EPM2A: variants seen among roughly 807,000 people sequenced by gnomAD.
EPM2A encodes laforin.
Under a neutral mutation model 26.5 loss-of-function variants are expected in EPM2A, and 21 were observed. The ratio of observed to expected loss-of-function variants is 0.79; its 90% CI spans 0.56 to 1.14. EPM2A has a LOEUF of 1.14. Among genes scored for constraint, EPM2A ranks in the 50% most tolerant of loss-of-function variants. The pLI is 0.00. For missense variants in EPM2A, 458 were observed against 440.8 expected, an observed-to-expected ratio of 1.04 and a Z score of -0.35; for synonymous variants, 217 against 177.6, an observed-to-expected ratio of 1.22 and a Z score of -1.76.
chr6:145,568,231 T>C (rs1166736013), intron 2 of EPM2A, among the ~76,000 whole-genome samples: 2 of 152,168 alleles, frequency 1.3e-5, no homozygotes, highest in Non-Finnish European at 2.9e-5. Flanking sequence ...AAACTCTCTG[T>C]TTCAAGTGAG....
chr6:145,484,743 C>T (rs1455799733), intron 4 of EPM2A, among the ~76,000 whole-genome samples: 1 of 151,732 alleles, frequency 6.6e-6, no homozygotes, highest in African/African-American at 2.4e-5. Context: ...TTTGAATCAT[C>T]GTATCTCAGG....
intron 4 of EPM2A, among the ~76,000 whole-genome samples, chr6:145,493,542 G>A (rs577278760): frequency 3.3e-5 from 5 of 152,338 alleles, no homozygotes; most frequent in African/African-American, 9.6e-5. Context: ...GGAGTGGTGA[G>A]AGAGGGCATC....
chr6:145,566,842 A>T (rs1780890197), intron 2 of EPM2A, among the ~76,000 whole-genome samples: 1 of 152,204 alleles, frequency 6.6e-6, no homozygotes, highest in Non-Finnish European at 1.5e-5. Context: ...GTAGAATAGG[A>T]CTTAAAGAAA....
rs202227651 is a variant in EPM2A, at chr6:145,626,778, AAAC to A, written c.*635_*637del. 2.7e-3 allele frequency: 2,635 copies of A among 985,934 alleles called. 56 individuals carry two copies. In the African/African-American group the frequency reaches 0.043, roughly 16 times the overall value. The allele number at this position is 985,934 out of a possible 1,614,324, so 61.1% of individuals were successfully genotyped here. A position where few individuals can be genotyped will look rare whatever the true frequency, so the allele number is the denominator to read the frequency against. ...TGCTTTGTTTGGTAATTTTGAGGAA[AAAC>A]AACAACAAATGAGAGATAATTCTAC... On this transcript the variant is annotated 3_prime_UTR_variant, in exon 4 of 4. Transcript: ENST00000367519.
At chr6:145,424,014 A>G (rs1271414049) in intron 4 of EPM2A, among the ~76,000 whole-genome samples, 2 of 152,200 alleles carry the variant, frequency 1.3e-5, no homozygotes, top group Admixed American at 1.3e-4. Flanking sequence ...AAGGTGAAAT[A>G]GCTATGTTCC....
At chr6:145,666,940 C>T (rs1226714322) in intron 2 of EPM2A, among the ~76,000 whole-genome samples, 106 of 134,856 alleles carry the variant, frequency 7.9e-4, no homozygotes, top group Middle Eastern at 7.5e-3. Context: ...ATAAATGGTG[C>T]TGGGAAAACT....
intron 4 of EPM2A, chr6:145,490,305 A>T: frequency 6.8e-7 from 1 of 1,467,458 alleles, no homozygotes; most frequent in Non-Finnish European, 9.2e-7. Context: ...AACTGGTCCC[A>T]GCTGTTAAAC....
downstream of EPM2A, among the ~76,000 whole-genome samples, chr6:145,499,541 A>T (rs1404892974): frequency 6.6e-6 from 1 of 152,250 alleles, no homozygotes; most frequent in African/African-American, 2.4e-5. Context: ...TCTTAAGGGC[A>T]GCATTCAAGT....
intron 4 of EPM2A, among the ~76,000 whole-genome samples, chr6:145,442,937 T>C (rs1779084107): frequency 6.6e-6 from 1 of 152,090 alleles, no homozygotes; most frequent in Non-Finnish European, 1.5e-5. Context: ...CTCTGCTCAC[T>C]GCAAGCTGCG....
intron 4 of EPM2A, among the ~76,000 whole-genome samples, chr6:145,482,280 A>G (rs898929677): frequency 2.0e-5 from 3 of 152,146 alleles, no homozygotes; most frequent in Admixed American, 2.0e-4. Flanking sequence ...CAGCTTTAAC[A>G]CTAAGGCTTA....
intron 4 of EPM2A, among the ~76,000 whole-genome samples, chr6:145,404,025 G>C (rs2030582410): frequency 6.6e-6 from 1 of 152,108 alleles, no homozygotes; most frequent in Non-Finnish European, 1.5e-5. Flanking sequence ...GTGATGCTGA[G>C]CACCTTTTCA....
At chr6:145,392,444 AT>A (rs928789652) in intron 4 of EPM2A, among the ~76,000 whole-genome samples, 1 of 152,016 alleles carries the variant, frequency 6.6e-6, no homozygotes, top group African/African-American at 2.4e-5. Flanking sequence ...TGCTCCTTTA[AT>A]GCCAGCAACA....
At chr6:145,586,989 G>A (rs1204749051) in intron 2 of EPM2A, among the ~76,000 whole-genome samples, 3 of 152,084 alleles carry the variant, frequency 2.0e-5, no homozygotes, top group Non-Finnish European at 4.4e-5. Context: ...AATGACTGTT[G>A]TTAGATTTTT....
rs148156318 is a variant in EPM2A at position 145,470,057 on chromosome 6, G to T, written c.555+32465C>A. On this transcript the variant is annotated intron_variant, in intron 4 of 4. Transcript: ENST00000638717. The stretch of plus-strand genomic sequence containing the variant: ...TGGTAGGGGTAGGGGGAATGGGGAT[G>T]GTTAATGGGTACAAAAATATAGCTA... Among the ~76,000 whole-genome samples, 8 of 152,040 alleles carry T rather than the reference G, an allele frequency of 5.3e-5. No homozygotes were observed. In the East Asian group the frequency reaches 1.2e-3, roughly 22 times the overall value.
At chr6:145,690,735 C>G (rs1318322140) in intron 1 of EPM2A, among the ~76,000 whole-genome samples, 2 of 151,330 alleles carry the variant, frequency 1.3e-5, no homozygotes, top group African/African-American at 4.9e-5. Context: ...CCTCAGTAAC[C>G]CATTAGAACA....
intron 1 of EPM2A, among the ~76,000 whole-genome samples, chr6:145,695,293 T>C (rs1781509570): frequency 6.6e-6 from 1 of 151,938 alleles, no homozygotes; most frequent in African/African-American, 2.4e-5. Context: ...AACCCTATTA[T>C]ACTTCCACAA....
At chr6:145,572,956 G>A (rs1011356550) in intron 2 of EPM2A, among the ~76,000 whole-genome samples, 1 of 152,220 alleles carries the variant, frequency 6.6e-6, no homozygotes, top group Non-Finnish European at 1.5e-5. Context: ...TGAGTTGTAG[G>A]AGGGGCCAAA....
At chr6:145,700,468 C>A (rs1781849582) in intron 1 of EPM2A, among the ~76,000 whole-genome samples, 1 of 152,014 alleles carries the variant, frequency 6.6e-6, no homozygotes, top group Admixed American at 6.6e-5. Flanking sequence ...GATAAAGCAT[C>A]TATATCAGTA....
intron 1 of EPM2A, among the ~76,000 whole-genome samples, chr6:145,717,618 G>A (rs192343995): frequency 1.3e-5 from 2 of 152,216 alleles, no homozygotes; most frequent in Admixed American, 6.5e-5. Flanking sequence ...TTCTGGCCAC[G>A]GCAATTAGGC....
Sources: allele counts gnomAD v4.1 joint callset (sites outside exome capture counted in the v4.1 genomes callset), GRCh38; gene constraint gnomAD v4.1.1; transcripts MANE v1.5; gene names NCBI Gene and HGNC (gene_info 2026-07-23, HGNC 2026-07-21).